The following ME3 variants were observed in gnomAD, a reference collection of about 807,000 sequenced individuals.
ME3 encodes malic enzyme 3, also known as NADP-dependent malic enzyme, mitochondrial.
A neutral mutation model predicts 68.9 loss-of-function variants in ME3; 48 were observed. The observed-to-expected ratio is 0.70, with a 90% CI of 0.55 to 0.89. The LOEUF is 0.89. Among genes scored for constraint, ME3 ranks in the 40% least tolerant of loss-of-function variants. ME3 has a pLI of 0.00. For missense variants in ME3, 675 were observed against 797.4 expected (o/e 0.85, Z 1.85); for synonymous variants, 320 against 318.8 (o/e 1.00, Z -0.04).
intron 2 of ME3, among the ~76,000 whole-genome samples, chr11:86,658,794 T>A (rs1417448940): frequency 6.6e-6 from 1 of 152,150 alleles, no homozygotes; most frequent in Non-Finnish European, 1.5e-5. Context: ...GAGGAGAAGC[T>A]GCTGCCAGCT....
At chr11:86,500,950 C>T (rs1403740925) in intron 5 of ME3, among the ~76,000 whole-genome samples, 3 of 152,084 alleles carry the variant, frequency 2.0e-5, no homozygotes, top group Admixed American at 6.5e-5. Context: ...CCTGCCAAGA[C>T]CCGCACAAGG....
At chr11:86,457,680 G>A in intron 8 of ME3, 1 of 1,287,506 alleles carries the variant, frequency 7.8e-7, no homozygotes, top group South Asian at 1.2e-5. Flanking sequence ...ACTCTGAGAA[G>A]CCCATGGGTC....
intron 4 of ME3, among the ~76,000 whole-genome samples, chr11:86,521,645 G>A (rs1954321221): frequency 6.6e-6 from 1 of 152,046 alleles, no homozygotes; most frequent in Admixed American, 6.5e-5. Flanking sequence ...TATGGTTCAT[G>A]GACAGGGCAA....
intron 2 of ME3, among the ~76,000 whole-genome samples, chr11:86,655,923 C>G (rs905144399): frequency 3.3e-5 from 5 of 151,916 alleles, no homozygotes; most frequent in African/African-American, 7.3e-5. Context: ...ACAACCCCAT[C>G]AAAAAGTGGG....
At chr11:86,487,533 G>A (rs2138931739) in intron 6 of ME3, 93 bp from the exon 7 acceptor site, 1 of 995,018 alleles carries the variant, frequency 1.0e-6, no homozygotes, top group South Asian at 1.4e-5. Context: ...GGAAGAACCA[G>A]AAGGTGGGAG....
chr11:86,549,228 G>A (rs1031408468), intron 4 of ME3, among the ~76,000 whole-genome samples: 1 of 152,232 alleles, frequency 6.6e-6, no homozygotes, highest in Non-Finnish European at 1.5e-5. Flanking sequence ...TGGAGAAAGA[G>A]TGTCTATTGT....
intron 4 of ME3, among the ~76,000 whole-genome samples, chr11:86,540,230 T>A (rs1355672118): frequency 2.0e-5 from 3 of 152,224 alleles, no homozygotes; most frequent in African/African-American, 4.8e-5. Flanking sequence ...GAAAGGTGGT[T>A]AAGTGAAAAT....
chr11:86,435,362 G>A, the ME3 span: 1 of 152,224 alleles, frequency 6.6e-6, no homozygotes, highest in Non-Finnish European at 1.5e-5. Flanking sequence ...TTAAAGATAT[G>A]TGAGAGCTAT....
chr11:86,525,272 C>T (rs536202127), intron 4 of ME3, among the ~76,000 whole-genome samples: 229 of 152,176 alleles, frequency 1.5e-3, no homozygotes, highest in African/African-American at 5.4e-3. Flanking sequence ...AGCACAATGC[C>T]TGATACATTT....
intron 4 of ME3, among the ~76,000 whole-genome samples, chr11:86,534,091 A>T (rs761454205): frequency 0.016 from 962 of 60,404 alleles, 16 homozygotes; most frequent in Middle Eastern, 0.042. Context: ...GTATATATAT[A>T]TATATATATA....
chr11:86,652,856 C>A (rs11501849), intron 2 of ME3, among the ~76,000 whole-genome samples: 1 of 151,250 alleles, frequency 6.6e-6, no homozygotes, highest in African/African-American at 2.4e-5. Context: ...ACCCATCTCA[C>A]GTGCAGAGAC....
intron 6 of ME3, among the ~76,000 whole-genome samples, chr11:86,492,995 T>G (rs930082595): frequency 1.1e-4 from 17 of 152,174 alleles, no homozygotes; most frequent in African/African-American, 3.9e-4. Context: ...CACCTACCAC[T>G]CATTCCTTGG....
At chr11:86,610,388 A>C (rs191306517) in intron 2 of ME3, among the ~76,000 whole-genome samples, 1 of 152,174 alleles carries the variant, frequency 6.6e-6, no homozygotes, top group East Asian at 1.9e-4. Flanking sequence ...GGAAAGAACC[A>C]TTACTCCTGA....
At chr11:86,469,778 G>A (rs1166587425) in intron 7 of ME3, among the ~76,000 whole-genome samples, 1 of 152,108 alleles carries the variant, frequency 6.6e-6, no homozygotes, top group African/African-American at 2.4e-5. Flanking sequence ...TGGCCTTGGA[G>A]TGGCCAGGGA....
intron 7 of ME3, among the ~76,000 whole-genome samples, chr11:86,474,315 G>T (rs144814505): frequency 6.6e-6 from 1 of 152,294 alleles, no homozygotes; most frequent in Non-Finnish European, 1.5e-5. Flanking sequence ...CAGCTCTGAC[G>T]GCAAGTCTTG....
intron 10 of ME3, 144 bp from the exon 11 acceptor site, chr11:86,448,399 T>C: frequency 1.6e-6 from 1 of 637,838 alleles, no homozygotes; most frequent in East Asian, 2.7e-5. Flanking sequence ...CCCATCTTCT[T>C]GACTACATTT....
chr11:86,445,460 T>C (rs1307045141), intron 13 of ME3, among the ~76,000 whole-genome samples: 4 of 152,230 alleles, frequency 2.6e-5, no homozygotes, highest in Admixed American at 2.6e-4. Flanking sequence ...CACCAGTGCC[T>C]CAGTGAGAAG....
At chr11:86,586,080 C>G (rs1407262114) in intron 2 of ME3, among the ~76,000 whole-genome samples, 1 of 152,158 alleles carries the variant, frequency 6.6e-6, no homozygotes, top group East Asian at 1.9e-4. Flanking sequence ...AAAATGGAAA[C>G]AGCAAATGCA....
intron 2 of ME3, chr11:86,667,651 T>G (rs1447379622): frequency 6.6e-6 from 1 of 152,174 alleles, no homozygotes; most frequent in Non-Finnish European, 1.5e-5. Flanking sequence ...GCCATTGTAA[T>G]AGTGTGCTCA....
Sources: allele counts gnomAD v4.1 joint callset (sites outside exome capture counted in the v4.1 genomes callset), GRCh38; gene constraint gnomAD v4.1.1; transcripts MANE v1.5; gene names NCBI Gene and HGNC (gene_info 2026-07-23, HGNC 2026-07-21).